Variants in BLTP3B observed in about 807,000 individuals in gnomAD.
BLTP3B encodes UHRF1 (ICBP90) binding protein 1-like.
At chr12:100,137,650 T>C in the BLTP3B span, among the ~76,000 whole-genome samples, 3 of 152,238 alleles carry the variant, frequency 2.0e-5, no homozygotes, top group African/African-American at 4.8e-5. Context: ...CAGAGTCCAT[T>C]TGTAGACTCC....
At chr12:100,059,914 T>C in the BLTP3B span, 3 of 1,612,960 alleles carry the variant, frequency 1.9e-6, no homozygotes, top group Non-Finnish European at 2.5e-6. Flanking sequence ...GTCATTCAAC[T>C]TGTACACAGC....
chr12:100,061,574 G>C, the BLTP3B span, among the ~76,000 whole-genome samples: 4 of 150,732 alleles, frequency 2.7e-5, no homozygotes, highest in Admixed American at 6.6e-5. Flanking sequence ...GGAGAATGGT[G>C]TGAACCTGGG....
chr12:100,057,711 G>A, the BLTP3B span: 1 of 1,611,544 alleles, frequency 6.2e-7, no homozygotes, highest in Non-Finnish European at 8.5e-7. Context: ...ACAGAGAGGA[G>A]CCAGGTTGGG....
At chr12:100,102,722 T>G in the BLTP3B span, 5 of 1,163,002 alleles carry the variant, frequency 4.3e-6, no homozygotes, top group Non-Finnish European at 6.2e-6. Flanking sequence ...TTTTTTTTAA[T>G]GTCCTGTTAT....
chr12:100,138,886 CT>C, the BLTP3B span, among the ~76,000 whole-genome samples: 3 of 151,554 alleles, frequency 2.0e-5, no homozygotes, highest in Non-Finnish European at 2.9e-5. Context: ...CACACACACA[CT>C]AATGTCTTGA....
chr12:100,086,945 G>C, the BLTP3B span, among the ~76,000 whole-genome samples: 1 of 152,102 alleles, frequency 6.6e-6, no homozygotes, highest in Non-Finnish European at 1.5e-5. Flanking sequence ...TGGATCACGA[G>C]GTCAGGAGTT....
the BLTP3B span, among the ~76,000 whole-genome samples, chr12:100,136,326 A>T: frequency 1.3e-5 from 2 of 151,996 alleles, no homozygotes; most frequent in Admixed American, 6.6e-5. Flanking sequence ...TAGCAATAAA[A>T]TTTTTTTTAT....
the BLTP3B span, among the ~76,000 whole-genome samples, chr12:100,094,254 T>C: frequency 5.9e-5 from 9 of 152,136 alleles, no homozygotes; most frequent in Admixed American, 5.9e-4. Context: ...TGCAGGTATA[T>C]GCCACCACCA....
At chr12:100,130,978 G>GAGA in the BLTP3B span, among the ~76,000 whole-genome samples, 8 of 31,128 alleles carry the variant, frequency 2.6e-4, no homozygotes, top group Non-Finnish European at 5.4e-4. Flanking sequence ...AGAGAGAGAG[G>GAGA]GAGGGAGAGA....
chr12:100,047,820 G>A, the BLTP3B span: 47 of 1,195,482 alleles, frequency 3.9e-5, no homozygotes, highest in South Asian at 1.0e-4. Context: ...TACCAAAAAA[G>A]ACAAAATCAT....
the BLTP3B span, among the ~76,000 whole-genome samples, chr12:100,078,903 T>G: frequency 6.6e-6 from 1 of 152,178 alleles, no homozygotes; most frequent in African/African-American, 2.4e-5. Flanking sequence ...TCCTGCACTG[T>G]TCTTGTGGTA....
At chr12:100,037,552 T>A in the BLTP3B span, 1 of 1,551,222 alleles carries the variant, frequency 6.4e-7, no homozygotes, top group Non-Finnish European at 8.6e-7. Flanking sequence ...AAAATAAAAG[T>A]CTTCCCCTAA....
At chr12:100,106,703 T>C in the BLTP3B span, among the ~76,000 whole-genome samples, 1 of 152,166 alleles carries the variant, frequency 6.6e-6, no homozygotes. Flanking sequence ...TTTACCACTA[T>C]ACAATTCACT....
chr12:100,083,175 A>G, the BLTP3B span: 2 of 1,423,068 alleles, frequency 1.4e-6, no homozygotes, highest in African/African-American at 2.8e-5. Flanking sequence ...TTGCAAAATT[A>G]TTTTTAACAG....
the BLTP3B span, chr12:100,082,874 A>G: frequency 9.8e-6 from 6 of 612,072 alleles, no homozygotes; most frequent in African/African-American, 3.7e-5. Flanking sequence ...TAATAAACTG[A>G]TATTTTCTAT....
At chr12:100,043,342 A>G in the BLTP3B span, among the ~76,000 whole-genome samples, 3 of 152,300 alleles carry the variant, frequency 2.0e-5, no homozygotes, top group South Asian at 2.1e-4. Context: ...TGAAAACGCT[A>G]TTCTTTCCCT....
chr12:100,050,600 G>A, the BLTP3B span, among the ~76,000 whole-genome samples: 3 of 152,074 alleles, frequency 2.0e-5, no homozygotes, highest in Non-Finnish European at 4.4e-5. Flanking sequence ...CATCAGGAGG[G>A]CTTAAAAGAA....
At chr12:100,105,321 T>C in the BLTP3B span, among the ~76,000 whole-genome samples, 4 of 152,134 alleles carry the variant, frequency 2.6e-5, no homozygotes, top group Non-Finnish European at 5.9e-5. Context: ...AAGTATTCTG[T>C]TTCTGTTCCA....
the BLTP3B span, among the ~76,000 whole-genome samples, chr12:100,080,959 G>T: frequency 6.6e-6 from 1 of 152,134 alleles, no homozygotes; most frequent in East Asian, 1.9e-4. Flanking sequence ...GAATTATGGG[G>T]GTGGGTCTTT....
Sources: allele counts gnomAD v4.1 joint callset (sites outside exome capture counted in the v4.1 genomes callset), GRCh38; gene constraint gnomAD v4.1.1; transcripts MANE v1.5; gene names NCBI Gene and HGNC (gene_info 2026-07-23, HGNC 2026-07-21).